Variants in PTPRN2 observed in about 807,000 individuals in gnomAD.
The protein encoded by PTPRN2 is receptor-type tyrosine-protein phosphatase N2.
In PTPRN2, 74 loss-of-function variants were observed where a neutral mutation model predicts 118.8. The observed-to-expected ratio is 0.62, with a 90% CI of 0.52 to 0.76. PTPRN2 has a LOEUF of 0.76. Ranked by LOEUF, PTPRN2 falls within the 30% of genes least tolerant of loss-of-function variation. PTPRN2 has a pLI of 0.00. For missense variants in PTPRN2, 1,481 were observed against 1,394.4 expected, an observed-to-expected ratio of 1.06 and a Z score of -0.99; for synonymous variants, 641 against 608.0, an observed-to-expected ratio of 1.05 and a Z score of -0.80.
At chr7:158,242,760 G>T (rs1202811646) in intron 3 of PTPRN2, among the ~76,000 whole-genome samples, 4 of 152,178 alleles carry the variant, frequency 2.6e-5, no homozygotes, top group African/African-American at 9.7e-5. Context: ...TTGGTAGGTT[G>T]TATGTGTCTA....
In PTPRN2 at chr7:158,087,847, T is replaced by C. The variant is rs200649266; in HGVS notation, c.1644-6470A>G. Among the ~76,000 whole-genome samples the C allele has an allele frequency of 6.8e-3, 367 of 54,354 alleles. 4 individuals carry two copies. The highest frequency in any genetic ancestry group is 0.029 in the Middle Eastern group (1 of 34). The allele number at this position is 54,354 out of a possible 152,430, so 35.7% of individuals were successfully genotyped here. A position where few individuals can be genotyped will look rare whatever the true frequency, so the allele number is the denominator to read the frequency against. On this transcript the variant is annotated intron_variant, in intron 10 of 22. Coordinates refer to ENST00000389418, the MANE Select transcript of PTPRN2 (RefSeq NM_002847.5). ...AGAGGGAGTCTTCACACAAACCTTC[T>C]TCCCCTGATGAAGGAGGGAGTCTTC...
At position 157,619,351 on chromosome 7, in the gene PTPRN2, C is replaced by T. The variant is rs1043459772; in HGVS notation, c.2344+2011G>A. Among the ~76,000 whole-genome samples, 1 of 152,108 alleles carries T rather than the reference C, an allele frequency of 6.6e-6. No individual in the cohort carries two copies. Among genetic ancestry groups the T allele is most frequent in the African/African-American group, 2.4e-5 (1 of 41,426 alleles). ...ATGGCTATTTACCACGAACCATTCT[C>T]CACTCAGGACTCAGCAGGATACCCG... On this transcript the variant is annotated intron_variant, in intron 15 of 22. Transcript: ENST00000389418. This position sits in a 1 kb window ranked among gnomAD's most constrained non-coding sequence, Gnocchi z 5.3.
At chr7:158,342,255 A>C (rs1563179882) in intron 2 of PTPRN2, among the ~76,000 whole-genome samples, 1 of 131,130 alleles carries the variant, frequency 7.6e-6, no homozygotes, top group Non-Finnish European at 1.6e-5. Context: ...TGACGCCCGC[A>C]GACGTCACTC....
Position 157,658,733 on chromosome 7 carries a change from A to C in PTPRN2, c.2002-2182T>G, listed in dbSNP as rs527813716. 3.5e-4 allele frequency among the ~76,000 whole-genome samples: 54 copies of C among 152,348 alleles called. 1 individual carries two copies. The South Asian group carries it at 0.011, about 30-fold the overall frequency. On this transcript the variant is annotated intron_variant, in intron 13 of 22. Transcript: ENST00000389418. ...CCGTCCTATTGCCTGATGAAAATAT[A>C]CCTGTACCCTGAGTCTGCAAAGTGA...
chr7:158,510,058 G>A (rs570184189), intron 1 of PTPRN2, among the ~76,000 whole-genome samples: 1 of 152,328 alleles, frequency 6.6e-6, no homozygotes, highest in East Asian at 1.9e-4. Context: ...TAAGGAGACA[G>A]TGTTCGCAGA....
At chr7:158,065,042 G>A (rs181288485) in intron 11 of PTPRN2, among the ~76,000 whole-genome samples, 2 of 152,374 alleles carry the variant, frequency 1.3e-5, no homozygotes, top group Non-Finnish European at 2.9e-5. Context: ...CTGCGCATCT[G>A]GTAATTGACT....
chr7:158,432,844 T>C (rs1816320193), intron 2 of PTPRN2, among the ~76,000 whole-genome samples: 1 of 152,106 alleles, frequency 6.6e-6, no homozygotes, highest in East Asian at 1.9e-4. Context: ...AAACACCTGG[T>C]GACTGACCTG....
intron 1 of PTPRN2, among the ~76,000 whole-genome samples, chr7:158,523,454 G>A (rs1431227972): frequency 8.4e-5 from 12 of 142,520 alleles, no homozygotes; most frequent in South Asian, 4.5e-4. Context: ...GAGCGGAGTC[G>A]TCTGCCCTGG....
At chr7:157,982,374 C>T (rs13312087) in intron 11 of PTPRN2, among the ~76,000 whole-genome samples, 34 of 100,530 alleles carry the variant, frequency 3.4e-4, no homozygotes, top group Admixed American at 4.6e-4. Context: ...GTCACAGAGA[C>T]GAGGAGGGGA....
rs541257933 is a variant in PTPRN2, at chr7:157,845,004, G to A, written c.1788+53669C>T. 6.6e-6 allele frequency among the ~76,000 whole-genome samples: 1 copy of A among 152,130 alleles called. No individual in the cohort carries two copies. Among genetic ancestry groups the A allele is most frequent in the Admixed American group, 6.5e-5 (1 of 15,292 alleles). On this transcript the variant is annotated intron_variant, in intron 12 of 22. Coordinates refer to ENST00000389418, the MANE Select transcript of PTPRN2 (RefSeq NM_002847.5). This position sits in a 1 kb window ranked among gnomAD's most constrained non-coding sequence, Gnocchi z 4.5. ...GGTTTTCCAGCAAACCCTACAGATC[G>A]GTTGGGATCCACCTGGTGACACCTG...
At position 157,780,178 on chromosome 7, in the gene PTPRN2, A is replaced by C. The variant is rs1334343402; in HGVS notation, c.1789-97241T>G. ...CACGTATCTCTACTATTAAAGAATT[A>C]GCCTCTGGGCCGTGTGTCCTCCTGG... On this transcript the variant is annotated intron_variant, in intron 12 of 22. Coordinates refer to ENST00000389418, the MANE Select transcript of PTPRN2 (RefSeq NM_002847.5). The surrounding 1 kb of genome is among the most constrained non-coding windows in gnomAD (Gnocchi z 4.5). Among the ~76,000 whole-genome samples the C allele has an allele frequency of 6.6e-6, 1 of 152,174 alleles. No homozygotes were observed. Among genetic ancestry groups the C allele is most frequent in the Non-Finnish European group, 1.5e-5 (1 of 68,028 alleles).
chr7:157,941,481 C>A (rs976051565), intron 11 of PTPRN2, among the ~76,000 whole-genome samples: 12 of 151,152 alleles, frequency 7.9e-5, no homozygotes, highest in East Asian at 3.9e-4. Context: ...CCCCCTCCCC[C>A]CTCCGTGACA....
At chr7:158,394,919 G>T (rs1310433195) in intron 2 of PTPRN2, among the ~76,000 whole-genome samples, 3 of 152,190 alleles carry the variant, frequency 2.0e-5, no homozygotes, top group Non-Finnish European at 4.4e-5. Context: ...TGTGCAGGCC[G>T]CATCTCTGCA....
intron 9 of PTPRN2, among the ~76,000 whole-genome samples, chr7:158,115,632 C>T (rs942129945): frequency 1.3e-5 from 2 of 151,966 alleles, no homozygotes; most frequent in Admixed American, 1.3e-4. Context: ...GAGAAAATGC[C>T]ATCTGCAACC....
At position 157,993,972 on chromosome 7, in the gene PTPRN2, A is replaced by G. The variant is rs563453432; in HGVS notation, c.1723+87326T>C. On this transcript the variant is annotated intron_variant, in intron 11 of 22. Transcript: ENST00000389418. ...GAGTCATACACAATGCTGTTATTTT[A>G]CTGCCTAATTTCAAAATGCACGGCT... 3.9e-5 allele frequency among the ~76,000 whole-genome samples: 6 copies of G among 152,232 alleles called. No homozygotes were observed. The South Asian group carries it at 1.2e-3, about 32-fold the overall frequency.
intron 12 of PTPRN2, among the ~76,000 whole-genome samples, chr7:157,889,210 C>G (rs542995395): frequency 6.6e-6 from 1 of 152,198 alleles, no homozygotes; most frequent in South Asian, 2.1e-4. Context: ...GGGACCGTGA[C>G]AGGATGAAGG....
rs1813539592 is a variant in PTPRN2, at chr7:158,407,156, T to TGCGTCCC, written c.163+82578_163+82579insGGGACGC. Reference sequence around the variant, plus strand: ...GTCCTGCGTCCTGCGTCCTGGGTCCTGGGTCCTGGGTCCTGCGTCCTGCGT... The same window carrying TGCGTCCC: ...GTCCTGCGTCCTGCGTCCTGGGTCCTGCGTCCCGGGTCCTGGGTCCTGCGTCCTGCGT... On this transcript the variant is annotated intron_variant, in intron 2 of 22. Transcript: ENST00000389418. Among the ~76,000 whole-genome samples, 5 of 98,796 alleles carry TGCGTCCC rather than the reference T, an allele frequency of 5.1e-5. 1 individual carries two copies. The highest frequency in any genetic ancestry group is 2.4e-4 in the Admixed American group (2 of 8,442). The allele number at this position is 98,796 out of a possible 152,430, so 64.8% of individuals were successfully genotyped here. A position where few individuals can be genotyped will look rare whatever the true frequency, so the allele number is the denominator to read the frequency against.
intron 4 of PTPRN2, among the ~76,000 whole-genome samples, chr7:158,195,561 G>A (rs1229378457): frequency 1.3e-5 from 2 of 151,130 alleles, no homozygotes; most frequent in Non-Finnish European, 2.9e-5. Context: ...CCCGCCTTGG[G>A]ACTCCAGTTA....
chr7:157,750,546 C>A (rs1159813017), intron 12 of PTPRN2, among the ~76,000 whole-genome samples: 1 of 152,224 alleles, frequency 6.6e-6, no homozygotes, highest in African/African-American at 2.4e-5. Context: ...GGACCCCCTG[C>A]CAATATCTGA....
Sources: allele counts gnomAD v4.1 joint callset (sites outside exome capture counted in the v4.1 genomes callset), GRCh38; gene constraint gnomAD v4.1.1; non-coding constraint Gnocchi (gnomAD v3.1); transcripts MANE v1.5; gene names NCBI Gene and HGNC (gene_info 2026-07-23, HGNC 2026-07-21).